COL15A1: variants seen among roughly 807,000 people sequenced by gnomAD.
The protein encoded by COL15A1 is collagen alpha-1(XV) chain.
COL15A1 carries 111 observed loss-of-function variants against 165.9 expected under a neutral mutation model. The observed-to-expected ratio is 0.67, with a 90% CI of 0.57 to 0.78. The LOEUF is 0.78. COL15A1 is among the 30% of genes least tolerant of loss of function. The pLI is 0.00. For synonymous variants in COL15A1, 659 were observed against 674.8 expected, an observed-to-expected ratio of 0.98 and a Z score of 0.36; for missense variants, 1,745 against 1,789.7, an observed-to-expected ratio of 0.98 and a Z score of 0.45.
intron 2 of COL15A1, among the ~76,000 whole-genome samples, chr9:98,953,013 G>A (rs905380410): frequency 6.6e-6 from 1 of 152,126 alleles, no homozygotes. Flanking sequence ...CTTTAGTATA[G>A]GTTGGCTTAT....
At chr9:99,062,669 A>T (rs894555477) in intron 38 of COL15A1, among the ~76,000 whole-genome samples, 1 of 152,204 alleles carries the variant, frequency 6.6e-6, no homozygotes, top group Non-Finnish European at 1.5e-5. Context: ...GGCAACTGGC[A>T]TTGTCCATCT....
intron 26 of COL15A1, among the ~76,000 whole-genome samples, chr9:99,045,246 C>T (rs1036720126): frequency 1.8e-4 from 27 of 152,184 alleles, no homozygotes. Context: ...TGCAGTTATA[C>T]CACAGAACTT....
At chr9:99,000,558 T>A (rs1381208587) in intron 6 of COL15A1, among the ~76,000 whole-genome samples, 2 of 152,176 alleles carry the variant, frequency 1.3e-5, no homozygotes, top group African/African-American at 4.8e-5. Flanking sequence ...CACACAGTAC[T>A]CAAAACAACC....
At chr9:98,945,464 G>A (rs1837563973) in intron 2 of COL15A1, among the ~76,000 whole-genome samples, 1 of 152,134 alleles carries the variant, frequency 6.6e-6, no homozygotes, top group Non-Finnish European at 1.5e-5. Context: ...TGAATTTGGG[G>A]GATTAGTACA....
At chr9:98,957,966 C>T (rs1837804463) in intron 2 of COL15A1, among the ~76,000 whole-genome samples, 1 of 152,252 alleles carries the variant, frequency 6.6e-6, no homozygotes, top group Non-Finnish European at 1.5e-5. Context: ...CTCTATGCCA[C>T]CAGCACCTAG....
At chr9:98,997,677 C>T (rs1222850814) in intron 6 of COL15A1, among the ~76,000 whole-genome samples, 1 of 152,242 alleles carries the variant, frequency 6.6e-6, no homozygotes, top group Non-Finnish European at 1.5e-5. Context: ...GCAGCAGTCC[C>T]TAGGAGAAGA....
intron 2 of COL15A1, among the ~76,000 whole-genome samples, chr9:98,970,826 G>A (rs1177577212): frequency 2.6e-5 from 4 of 152,016 alleles, no homozygotes; most frequent in South Asian, 2.1e-4. Context: ...GTGAGTGCGG[G>A]TGGAGGTGCA....
At chr9:98,974,812 C>T (rs1339047272) in intron 2 of COL15A1, among the ~76,000 whole-genome samples, 3 of 152,194 alleles carry the variant, frequency 2.0e-5, no homozygotes, top group Admixed American at 6.5e-5. Context: ...CTGAAGTGTG[C>T]CGTCGGTCTT....
Position 99,066,897 on chromosome 9 carries a change from C to G in COL15A1, c.3667C>G (p.Leu1223Val). The change falls in exon 40 of 42, where the codon CTG becomes GTG. Residue 1223 changes from leucine to valine, a missense_variant. Physicochemically the swap from Leu to Val is conservative, Grantham distance 32 (BLOSUM62 1). Coordinates refer to ENST00000375001, the MANE Select transcript of COL15A1 (RefSeq NM_001855.5). The part of the protein sequence containing the change: ...YEKPALHLAA[L>V]NMPFSGDIRA... Reference sequence around the variant, plus strand: ...CATTTTTCAGCTGCATTTGGCTGCTCTGAACATGCCATTTTCTGGGGACAT... The same window carrying G: ...CATTTTTCAGCTGCATTTGGCTGCTGTGAACATGCCATTTTCTGGGGACAT... 1.2e-6 allele frequency: 2 copies of G among 1,613,648 alleles called. No individual in the cohort carries two copies. The highest frequency in any genetic ancestry group is 1.7e-6 in the Non-Finnish European group (2 of 1,179,836).
In COL15A1 at chr9:98,986,022, C is replaced by A; in HGVS notation, c.558C>A (p.Pro186=). 1 of 1,614,154 alleles carries A rather than the reference C, an allele frequency of 6.2e-7. No individual in the cohort carries two copies. The highest frequency in any genetic ancestry group is 8.5e-7 in the Non-Finnish European group (1 of 1,180,032). The change falls in exon 3 of 42, where the codon CCC becomes CCA. Residue 186 remains proline (P), a synonymous_variant. Transcript: ENST00000375001. Reference sequence around the variant, plus strand: ...ACTGTGAGGAGCACAGCCGCATCCCCTTCCAGCGGTCCTCCCAGGCTTTGG... The same window carrying A: ...ACTGTGAGGAGCACAGCCGCATCCCATTCCAGCGGTCCTCCCAGGCTTTGG... ...LVNCEEHSRI[P]FQRSSQALAF... is the part of the protein sequence containing the mutation.
chr9:98,962,318 G>C (rs1377436787), intron 2 of COL15A1, among the ~76,000 whole-genome samples: 2 of 152,146 alleles, frequency 1.3e-5, no homozygotes, highest in East Asian at 3.9e-4. Flanking sequence ...AGACGTGGGG[G>C]ATGCATTACG....
chr9:99,068,597 C>T lies in COL15A1; in HGVS notation c.3880C>T (p.His1294Tyr). Residue 1294 changes from histidine (H) to tyrosine (Y), a missense_variant, in exon 41 of 42, where the codon CAC becomes TAC. By Grantham distance (83) the His-to-Tyr change is moderately conservative (BLOSUM62 2). Coordinates refer to ENST00000375001, the MANE Select transcript of COL15A1 (RefSeq NM_001855.5). ...FNNWDSIFSG[H>Y]GGQFNMHIPI... ...TAATTGGGACTCAATTTTTTCTGGC[C>T]ACGGAGGTCAGTTCAATATGCATAT... 6.5e-7 allele frequency: 1 copy of T among 1,545,880 alleles called. No homozygotes were observed. The highest frequency in any genetic ancestry group is 1.3e-5 in the South Asian group (1 of 77,856).
intron 9 of COL15A1, among the ~76,000 whole-genome samples, chr9:99,010,035 C>CA (rs1417782541): frequency 6.6e-6 from 1 of 152,114 alleles, no homozygotes; most frequent in African/African-American, 2.4e-5. Flanking sequence ...CTCATGTGCC[C>CA]ACCTCTTCTG....
intron 2 of COL15A1, among the ~76,000 whole-genome samples, chr9:98,968,385 C>T (rs965102908): frequency 1.3e-5 from 2 of 152,148 alleles, no homozygotes; most frequent in Non-Finnish European, 2.9e-5. Context: ...GGTGTGTGGG[C>T]TGGGTGGCAC....
chr9:99,047,906 G>GT (rs761462142), intron 27 of COL15A1, 35 bp from the exon 28 acceptor site: 1 of 1,608,604 alleles, frequency 6.2e-7, no homozygotes, highest in South Asian at 1.1e-5. Flanking sequence ...GTCTGTGGGC[G>GT]GAGGGTTTAC....
chr9:99,054,725 T>C (rs1180612806), intron 32 of COL15A1, 69 bp downstream of exon 32: 2 of 1,517,748 alleles, frequency 1.3e-6, no homozygotes, highest in Non-Finnish European at 1.8e-6. Flanking sequence ...GACTGAGAAA[T>C]GTGACCTAGC....
chr9:99,032,152 G>A (rs150646194), intron 16 of COL15A1, among the ~76,000 whole-genome samples: 1 of 150,816 alleles, frequency 6.6e-6, no homozygotes, highest in East Asian at 1.9e-4. Flanking sequence ...AAATTCCTCT[G>A]CATTGTTACT....
chr9:98,985,584 C>T lies in COL15A1; in HGVS notation c.120C>T (p.His40=), dbSNP rs758682861. 8 of 1,613,356 alleles carry T rather than the reference C, an allele frequency of 5.0e-6. No homozygotes were observed. The Admixed American group carries it at 1.3e-4, about 27-fold the overall frequency. Residue 40 remains histidine (H), a synonymous_variant, in exon 3 of 42, where the codon CAC becomes CAT. Transcript: ENST00000375001. ...RGATETASQG[H]LDLTQLIGVP... is the part of the protein sequence containing the mutation. ...CTGCAGAGACTGCTTCCCAGGGTCA[C>T]CTGGACCTCACGCAGCTCATCGGTG...
intron 39 of COL15A1, among the ~76,000 whole-genome samples, chr9:99,063,904 C>A (rs1825855798): frequency 6.6e-6 from 1 of 152,118 alleles, no homozygotes; most frequent in Non-Finnish European, 1.5e-5. Flanking sequence ...TGACAGTTTC[C>A]TTTCCAGGGA....
Sources: gnomAD v4.1 joint callset for allele counts (sites outside exome capture counted in the v4.1 genomes callset) on GRCh38, gnomAD v4.1.1 for gene constraint, MANE v1.5 for transcripts, NCBI Gene and HGNC (gene_info 2026-07-23, HGNC 2026-07-21) for gene names.